FGF12: variants seen among roughly 807,000 people sequenced by gnomAD.
FGF12 encodes the protein fibroblast growth factor 12B.
Under a neutral mutation model 23.6 loss-of-function variants are expected in FGF12, and 14 were observed. That is an observed-to-expected ratio of 0.59 (90% CI 0.39 to 0.93). The LOEUF (loss-of-function observed/expected upper bound fraction) is 0.93. FGF12 is among the 40% of genes least tolerant of loss of function. The probability of loss-of-function intolerance (pLI) is 0.00; values close to 1 mark genes in which losing one functional copy is unlikely to be tolerated. For missense variants in FGF12, 175 were observed against 217.8 expected, an observed-to-expected ratio of 0.80 and a Z score of 1.24; for synonymous variants, 62 against 77.3, an observed-to-expected ratio of 0.80 and a Z score of 1.04.
chr3:192,694,166 G>A (rs1048403919), intron 2 of FGF12, among the ~76,000 whole-genome samples: 1 of 152,092 alleles, frequency 6.6e-6, no homozygotes, highest in Non-Finnish European at 1.5e-5. Context: ...ACGTCATTAC[G>A]ATATGCAAAT....
intron 4 of FGF12, among the ~76,000 whole-genome samples, chr3:192,242,443 A>C (rs1033309527): frequency 6.6e-6 from 1 of 152,156 alleles, no homozygotes; most frequent in Non-Finnish European, 1.5e-5. Context: ...GTTCCAATTG[A>C]GAACCAAATT....
intron 4 of FGF12, among the ~76,000 whole-genome samples, chr3:192,234,475 T>G (rs1378841137): frequency 6.6e-6 from 1 of 152,222 alleles, no homozygotes; most frequent in African/African-American, 2.4e-5. Flanking sequence ...AATCATATCA[T>G]CTGCAAAGGG....
chr3:192,567,735 C>CTTTCTTTCTTTCTT (rs999075869), intron 2 of FGF12, among the ~76,000 whole-genome samples: 1 of 125,952 alleles, frequency 7.9e-6, no homozygotes, highest in Non-Finnish European at 1.7e-5. Flanking sequence ...CTCCATGTGT[C>CTTTCTTTCTTTCTT]TCTTTCTTTC....
chr3:192,545,418 G>A (rs191328558), intron 2 of FGF12, among the ~76,000 whole-genome samples: 4 of 152,244 alleles, frequency 2.6e-5, no homozygotes, highest in East Asian at 1.9e-4. Context: ...ATGTTTCAAC[G>A]ACCTCTGAAA....
chr3:192,332,193 TA>T (rs1454049262), intron 4 of FGF12, among the ~76,000 whole-genome samples: 1 of 152,052 alleles, frequency 6.6e-6, no homozygotes, highest in Non-Finnish European at 1.5e-5. Context: ...TGATATTTAC[TA>T]GCAAGAAAAC....
intron 2 of FGF12, among the ~76,000 whole-genome samples, chr3:192,687,957 G>T (rs1291382858): frequency 6.6e-6 from 1 of 151,790 alleles, no homozygotes; most frequent in Non-Finnish European, 1.5e-5. Context: ...ACTGACCTTG[G>T]CTGCCACACA....
intron 4 of FGF12, among the ~76,000 whole-genome samples, chr3:192,172,931 G>A (rs913239708): frequency 6.6e-6 from 1 of 151,034 alleles, no homozygotes; most frequent in Non-Finnish European, 1.5e-5. Flanking sequence ...TAGTTCTACA[G>A]AATGCAACTG....
At chr3:192,585,911 A>G (rs13085306) in intron 2 of FGF12, among the ~76,000 whole-genome samples, 22,699 of 152,250 alleles carry the variant, frequency 0.15, 1,723 homozygotes, top group Middle Eastern at 0.19. Flanking sequence ...AACATATCTA[A>G]GAACTAGTGA....
chr3:192,518,137 T>A (rs1724726243), intron 2 of FGF12, among the ~76,000 whole-genome samples: 1 of 152,202 alleles, frequency 6.6e-6, no homozygotes, highest in Non-Finnish European at 1.5e-5. Context: ...ATTATTGTTT[T>A]AATACCCAAA....
intron 2 of FGF12, among the ~76,000 whole-genome samples, chr3:192,526,460 T>C (rs1039600970): frequency 7.2e-5 from 11 of 152,196 alleles, no homozygotes; most frequent in Admixed American, 7.2e-4. Flanking sequence ...CAGGAAATGC[T>C]GAGGCACTTA....
intron 2 of FGF12, among the ~76,000 whole-genome samples, chr3:192,411,797 G>A (rs888817807): frequency 6.6e-6 from 1 of 152,204 alleles, no homozygotes. Flanking sequence ...GCAAGAGGGG[G>A]TGTATAATGA....
chr3:192,292,202 T>C (rs1381460497), intron 4 of FGF12, among the ~76,000 whole-genome samples: 1 of 152,196 alleles, frequency 6.6e-6, no homozygotes, highest in Admixed American at 6.5e-5. Context: ...TGTTCACATA[T>C]GGACCAAGTA....
At chr3:192,352,097 T>C (rs972162611) in intron 3 of FGF12, among the ~76,000 whole-genome samples, 4 of 152,178 alleles carry the variant, frequency 2.6e-5, no homozygotes, top group Non-Finnish European at 5.9e-5. Flanking sequence ...CTGTCCAGAA[T>C]TGAGCCTTGA....
At chr3:192,361,619 A>G (rs1302103986) in intron 2 of FGF12, among the ~76,000 whole-genome samples, 2 of 152,204 alleles carry the variant, frequency 1.3e-5, no homozygotes, top group Non-Finnish European at 2.9e-5. Context: ...AATGTTTACC[A>G]AGAATGTCTT....
At chr3:192,669,047 A>G (rs1306210992) in intron 2 of FGF12, among the ~76,000 whole-genome samples, 1 of 152,256 alleles carries the variant, frequency 6.6e-6, no homozygotes, top group Non-Finnish European at 1.5e-5. Flanking sequence ...AAAAATTGTT[A>G]GAGCATAAAA....
intron 2 of FGF12, among the ~76,000 whole-genome samples, chr3:192,374,005 G>T (rs1313798207): frequency 6.6e-6 from 1 of 152,130 alleles, no homozygotes; most frequent in African/African-American, 2.4e-5. Flanking sequence ...TTTAAAAATT[G>T]AAAACAGTTT....
At chr3:192,727,457 C>G (rs1719261774) in intron 1 of FGF12, 27 bp downstream of exon 1, 2 of 897,240 alleles carry the variant, frequency 2.2e-6, no homozygotes, top group African/African-American at 3.6e-5. Context: ...ACAGTGCCCG[C>G]TCAGATTTTT....
intron 4 of FGF12, among the ~76,000 whole-genome samples, chr3:192,323,247 C>T (rs1276375637): frequency 8.5e-5 from 13 of 152,118 alleles, no homozygotes; most frequent in Admixed American, 7.9e-4. Context: ...ATAGGTATAT[C>T]AAAGAGATAT....
intron 4 of FGF12, among the ~76,000 whole-genome samples, chr3:192,173,687 G>A (rs1242211095): frequency 6.6e-6 from 1 of 151,738 alleles, no homozygotes; most frequent in Non-Finnish European, 1.5e-5. Context: ...AACCCTAGAT[G>A]CTATGCTAAG....
Sources: allele counts gnomAD v4.1 joint callset (sites outside exome capture counted in the v4.1 genomes callset), GRCh38; gene constraint gnomAD v4.1.1; transcripts MANE v1.5; gene names NCBI Gene and HGNC (gene_info 2026-07-23, HGNC 2026-07-21).